The following ZDHHC7 variants were observed in gnomAD, a reference collection of about 807,000 sequenced individuals.
ZDHHC7 encodes zDHHC palmitoyltransferase 7.
A neutral mutation model predicts 34.1 loss-of-function variants in ZDHHC7; 12 were observed. That is an observed-to-expected ratio of 0.35 (90% confidence interval 0.23 to 0.57). The LOEUF (loss-of-function observed/expected upper bound fraction) is 0.57. Ranked by LOEUF, ZDHHC7 falls within the 20% of genes least tolerant of loss-of-function variation. The pLI is 0.84. For synonymous variants in ZDHHC7, 185 were observed against 155.4 expected, an observed-to-expected ratio of 1.19 and a Z score of -1.42; for missense variants, 388 against 402.7, an observed-to-expected ratio of 0.96 and a Z score of 0.31.
intron 1 of ZDHHC7, among the ~76,000 whole-genome samples, chr16:85,006,454 C>T (rs2072718158): frequency 2.0e-5 from 3 of 152,120 alleles, no homozygotes; most frequent in South Asian, 2.1e-4. Flanking sequence ...ACCGGTCTAC[C>T]TGTAATCCCG....
chr16:85,008,531 G>C (rs1408279851), intron 1 of ZDHHC7, among the ~76,000 whole-genome samples: 1 of 150,900 alleles, frequency 6.6e-6, no homozygotes, highest in Non-Finnish European at 1.5e-5. Flanking sequence ...CCAACTTGCA[G>C]TTGGTATCAC....
chr16:84,988,710 C>G, intron 3 of ZDHHC7: 1 of 1,499,590 alleles, frequency 6.7e-7, no homozygotes, highest in Non-Finnish European at 9.1e-7. Flanking sequence ...GAGCAAACTG[C>G]TGAGGACTCC....
chr16:85,009,443 A>G (rs908134398), intron 1 of ZDHHC7, among the ~76,000 whole-genome samples: 4 of 152,068 alleles, frequency 2.6e-5, no homozygotes, highest in Non-Finnish European at 5.9e-5. Flanking sequence ...GCAGGGCTGT[A>G]AAGTTTCAAT....
chr16:84,988,026 C>T (rs1268060636), intron 3 of ZDHHC7, among the ~76,000 whole-genome samples: 2 of 152,106 alleles, frequency 1.3e-5, no homozygotes, highest in African/African-American at 4.8e-5. Flanking sequence ...AAAAATTAGC[C>T]GGGCATGGTG....
At chr16:84,981,725 T>A (rs948985355) in intron 4 of ZDHHC7, 145 bp downstream of exon 4, 4 of 1,487,500 alleles carry the variant, frequency 2.7e-6, no homozygotes, top group Non-Finnish European at 3.6e-6. Flanking sequence ...AGAAAGAACA[T>A]GACACCTACG....
intron 7 of ZDHHC7, 145 bp from the exon 8 acceptor site, chr16:84,976,664 T>C (rs2072302094): frequency 3.3e-6 from 4 of 1,215,526 alleles, no homozygotes; most frequent in African/African-American, 3.1e-5. Flanking sequence ...TCTGCCCCGA[T>C]CCAGACCCCG....
upstream of ZDHHC7, among the ~76,000 whole-genome samples, chr16:85,011,756 G>A (rs908074841): frequency 2.0e-5 from 3 of 152,234 alleles, no homozygotes; most frequent in African/African-American, 7.2e-5. Context: ...CTGCAGCAGG[G>A]TCCAAGCCAC....
intron 1 of ZDHHC7, among the ~76,000 whole-genome samples, chr16:85,008,622 C>G (rs899761873): frequency 6.6e-6 from 1 of 151,994 alleles, no homozygotes; most frequent in Non-Finnish European, 1.5e-5. Flanking sequence ...CAGCTAAACT[C>G]TTCTCAGATG....
chr16:85,026,865 T>A, the ZDHHC7 span, among the ~76,000 whole-genome samples: 1 of 152,054 alleles, frequency 6.6e-6, no homozygotes, highest in African/African-American at 2.4e-5. Flanking sequence ...ATTTGAGGTG[T>A]CAGTCAATAC....
chr16:85,001,070 A>G (rs2072646400), intron 1 of ZDHHC7, among the ~76,000 whole-genome samples: 1 of 152,214 alleles, frequency 6.6e-6, no homozygotes, highest in Admixed American at 6.5e-5. Flanking sequence ...GACAAGCCTG[A>G]GGTCCAATGG....
intron 2 of ZDHHC7, among the ~76,000 whole-genome samples, chr16:84,994,754 T>G (rs555590654): frequency 1.2e-4 from 18 of 152,324 alleles, no homozygotes; most frequent in African/African-American, 4.3e-4. Flanking sequence ...CATATCATAC[T>G]TGAGGGCTTT....
At chr16:85,025,641 C>G in the ZDHHC7 span, among the ~76,000 whole-genome samples, 1 of 152,164 alleles carries the variant, frequency 6.6e-6, no homozygotes, top group African/African-American at 2.4e-5. Flanking sequence ...ATCTCTTGAC[C>G]TCATGATCCG....
the ZDHHC7 span, among the ~76,000 whole-genome samples, chr16:85,018,088 T>C: frequency 6.6e-6 from 1 of 152,148 alleles, no homozygotes; most frequent in African/African-American, 2.4e-5. Context: ...CAGTGCCATG[T>C]TGGGTCCAGT....
At chr16:85,009,230 G>C (rs2072757250) in intron 1 of ZDHHC7, among the ~76,000 whole-genome samples, 1 of 152,040 alleles carries the variant, frequency 6.6e-6, no homozygotes, top group South Asian at 2.1e-4. Flanking sequence ...AACAAAGATT[G>C]TATTATTTAT....
intron 2 of ZDHHC7, among the ~76,000 whole-genome samples, chr16:84,993,434 C>A (rs182365284): frequency 1.2e-3 from 190 of 152,010 alleles, no homozygotes; most frequent in African/African-American, 4.3e-3. Flanking sequence ...GAGTTTGAGA[C>A]TGGCCTGCGC....
At chr16:85,023,100 A>T in the ZDHHC7 span, among the ~76,000 whole-genome samples, 9 of 151,958 alleles carry the variant, frequency 5.9e-5, no homozygotes, top group Non-Finnish European at 8.8e-5. Flanking sequence ...CCCTGCTGAC[A>T]CCTCAATTTT....
chr16:84,977,868 C>T, intron 6 of ZDHHC7, 56 bp downstream of exon 6: 1 of 1,395,304 alleles, frequency 7.2e-7, no homozygotes, highest in East Asian at 2.3e-5. Flanking sequence ...AAGCTTTCCC[C>T]TTTCATCCAA....
At position 84,988,170 on chromosome 16, in the gene ZDHHC7, CA is replaced by C. The variant is rs936749553; in HGVS notation, c.315+2133del. 2.9e-3 allele frequency among the ~76,000 whole-genome samples: 422 copies of C among 147,064 alleles called. 1 individual carries two copies. Among genetic ancestry groups the C allele is most frequent in the African/African-American group, 9.9e-3 (398 of 40,050 alleles). ...TGGGCGACAGAGTGAGACTCCGTCTCAAAAAAAAAAGTCTGTGAACATGCAA... is the reference window on the plus strand; with the variant it reads ...TGGGCGACAGAGTGAGACTCCGTCTCAAAAAAAAAGTCTGTGAACATGCAA... On this transcript the variant is annotated intron_variant, in intron 3 of 7. Transcript: ENST00000313732.
At chr16:85,017,977 A>T in the ZDHHC7 span, among the ~76,000 whole-genome samples, 2 of 152,144 alleles carry the variant, frequency 1.3e-5, no homozygotes, top group Non-Finnish European at 2.9e-5. Flanking sequence ...CCATTTTTAC[A>T]TCAAACCTGG....
Sources: allele counts gnomAD v4.1 joint callset (sites outside exome capture counted in the v4.1 genomes callset), GRCh38; gene constraint gnomAD v4.1.1; transcripts MANE v1.5; gene names NCBI Gene and HGNC (gene_info 2026-07-23, HGNC 2026-07-21).